Variants in SHOC2 observed in about 807,000 individuals in gnomAD.
SHOC2 encodes SHOC2 leucine rich repeat scaffold protein, also known as leucine-rich repeat protein SHOC-2.
A neutral mutation model predicts 50.2 loss-of-function variants in SHOC2; 4 were observed. The ratio of observed to expected loss-of-function variants is 0.08; its 90% CI spans 0.04 to 0.18. The LOEUF (loss-of-function observed/expected upper bound fraction) is 0.18, where lower values mean the gene tolerates loss of function less well. Ranked by LOEUF, SHOC2 falls within the 10% of genes least tolerant of loss-of-function variation. The probability of loss-of-function intolerance (pLI) is 1.00; values close to 1 mark genes in which losing one functional copy is unlikely to be tolerated. For missense variants in SHOC2, 388 were observed against 669.6 expected, an observed-to-expected ratio of 0.58 and a Z score of 4.64; for synonymous variants, 218 against 244.5, an observed-to-expected ratio of 0.89 and a Z score of 1.01.
Position 110,965,425 on chromosome 10 carries a change from A to G in SHOC2, c.703+364A>G, listed in dbSNP as rs192868415. On this transcript the variant is annotated intron_variant, in intron 2 of 8. Transcript: ENST00000369452. ...CAATTTTATTAGATATATGAAAACT[A>G]CATTTTCTCATTCTCTGACTTTTCC... 2.0e-5 allele frequency among the ~76,000 whole-genome samples: 3 copies of G among 152,292 alleles called. No homozygotes were observed. In the East Asian group the frequency reaches 5.8e-4, roughly 29 times the overall value.
chr10:110,993,468 C>G (rs1848218508), intron 3 of SHOC2, among the ~76,000 whole-genome samples: 1 of 152,114 alleles, frequency 6.6e-6, no homozygotes, highest in Non-Finnish European at 1.5e-5. Context: ...TGCCAGTGGT[C>G]TCAAGTGATA....
chr10:110,975,158 C>CT (rs200869891), intron 2 of SHOC2, among the ~76,000 whole-genome samples: 151 of 143,082 alleles, frequency 1.1e-3, no homozygotes, highest in East Asian at 1.6e-3. Flanking sequence ...TCCCATGTTA[C>CT]TTTTTTTTTT....
chr10:111,008,234 A>G (rs555536078), intron 6 of SHOC2, among the ~76,000 whole-genome samples: 42 of 149,984 alleles, frequency 2.8e-4, no homozygotes, highest in Middle Eastern at 3.4e-3. Context: ...TCTTCAGTTA[A>G]GGATGATTTC....
chr10:110,980,158 CTTTT>C (rs745350568), intron 2 of SHOC2, among the ~76,000 whole-genome samples: 1 of 135,938 alleles, frequency 7.4e-6, no homozygotes. Context: ...ATTCCTGTCA[CTTTT>C]TTTTTTTTTT....
chr10:110,942,566 C>G (rs1847168495), intron 1 of SHOC2, among the ~76,000 whole-genome samples: 1 of 152,102 alleles, frequency 6.6e-6, no homozygotes, highest in African/African-American at 2.4e-5. Flanking sequence ...AAAATGTCTG[C>G]CAAATACTAG....
Position 111,004,894 on chromosome 10 carries a change from C to T in SHOC2, c.1161+100C>T, listed in dbSNP as rs2134174221. The T allele has an allele frequency of 6.2e-6, 5 of 804,296 alleles. No individual in the cohort carries two copies. In the South Asian group the frequency reaches 7.2e-5, roughly 12 times the overall value. The allele number at this position is 804,296 out of a possible 1,614,324, so 49.8% of individuals were successfully genotyped here. On this transcript the variant is annotated intron_variant, in intron 5 of 8. Coordinates refer to ENST00000369452, the MANE Select transcript of SHOC2 (RefSeq NM_007373.4). The stretch of plus-strand genomic sequence containing the variant: ...ATTGTGTGGGGAGTGGGTACTTGTA[C>T]CTTGCTGATGGGTCTAAACTGATCA...
intron 2 of SHOC2, among the ~76,000 whole-genome samples, chr10:110,979,356 CA>C (rs1035674330): frequency 6.6e-6 from 1 of 152,204 alleles, no homozygotes; most frequent in African/African-American, 2.4e-5. Flanking sequence ...AACTGAATCA[CA>C]AATGTGACAT....
intron 3 of SHOC2, among the ~76,000 whole-genome samples, chr10:110,991,452 A>C (rs1171632362): frequency 2.0e-5 from 3 of 152,200 alleles, no homozygotes; most frequent in African/African-American, 7.2e-5. Context: ...TGAGAACTGA[A>C]ACATTAACAA....
chr10:110,987,186 T>C (rs751307182), intron 3 of SHOC2, among the ~76,000 whole-genome samples: 1 of 152,010 alleles, frequency 6.6e-6, no homozygotes. Context: ...GTTCCCAGCT[T>C]GTTTCTGTTC....
At position 110,964,677 on chromosome 10, in the gene SHOC2, T is replaced by C. The variant is rs1847639079; in HGVS notation, c.319T>C (p.Leu107=). The C allele has an allele frequency of 6.2e-7, 1 of 1,614,006 alleles. No homozygotes were observed. The highest frequency in any genetic ancestry group is 1.3e-5 in the African/African-American group (1 of 74,906). Residue 107 remains leucine (L), a synonymous_variant, in exon 2 of 9, where the codon TTA becomes CTA. Transcript: ENST00000369452. This position sits in a 1 kb window ranked among gnomAD's most constrained non-coding sequence, Gnocchi z 4.9. ...CREENSMRLD[L]SKRSIHILPS... ...GGAAGAGAATTCAATGCGTTTGGAC[T>C]TATCCAAGAGATCTATACACATATT... is the stretch of plus-strand genomic sequence containing the variant.
At chr10:110,953,282 C>G (rs573061532) in intron 1 of SHOC2, among the ~76,000 whole-genome samples, 1 of 152,276 alleles carries the variant, frequency 6.6e-6, no homozygotes, top group Admixed American at 6.5e-5. Flanking sequence ...GATGGTGTCT[C>G]ATTGTAGTTT....
chr10:110,925,433 C>T (rs1480542789), intron 1 of SHOC2, among the ~76,000 whole-genome samples: 3 of 151,900 alleles, frequency 2.0e-5, no homozygotes, highest in Admixed American at 6.6e-5. Context: ...CTCTTTTTCA[C>T]GCTTTTTTTT....
rs767663771 is a variant in SHOC2 at position 110,966,113 on chromosome 10, G to A, written c.703+1052G>A. On this transcript the variant is annotated intron_variant, in intron 2 of 8. Transcript: ENST00000369452. ...TTTTCAAAGATATGATATTCTGTGGGTGTTTTAATATTTTGTTTAGCTTTG... is the reference window on the plus strand; with the variant it reads ...TTTTCAAAGATATGATATTCTGTGGATGTTTTAATATTTTGTTTAGCTTTG... Among the ~76,000 whole-genome samples the A allele has an allele frequency of 4.1e-4, 63 of 151,958 alleles. 2 individuals carry two copies. The highest frequency in any genetic ancestry group is 2.9e-3 in the Admixed American group (45 of 15,258).
intron 1 of SHOC2, among the ~76,000 whole-genome samples, chr10:110,934,763 AC>A: frequency 6.6e-6 from 1 of 152,100 alleles, no homozygotes; most frequent in Admixed American, 6.6e-5. Flanking sequence ...GAGTAAATGC[AC>A]CCTAGGCATG....
intron 1 of SHOC2, among the ~76,000 whole-genome samples, chr10:110,939,642 TG>T (rs1288562587): frequency 6.6e-6 from 1 of 152,238 alleles, no homozygotes; most frequent in Non-Finnish European, 1.5e-5. Context: ...TTATAACGTA[TG>T]TCAACTTTAA....
chr10:110,938,138 C>T (rs1564704788), intron 1 of SHOC2, among the ~76,000 whole-genome samples: 1 of 152,032 alleles, frequency 6.6e-6, no homozygotes, highest in Non-Finnish European at 1.5e-5. Context: ...CTTAATTGGT[C>T]CTATATGTTA....
chr10:111,009,757 C>T lies in SHOC2; in HGVS notation c.1467C>T (p.Gly489=). The T allele has an allele frequency of 6.2e-7, 1 of 1,613,066 alleles. No individual in the cohort carries two copies. The highest frequency in any genetic ancestry group is 1.1e-5 in the South Asian group (1 of 91,054). The change falls in exon 8 of 9, where the codon GGC becomes GGT. Residue 489 remains glycine, a synonymous_variant. Coordinates refer to ENST00000369452, the MANE Select transcript of SHOC2 (RefSeq NM_007373.4). ...TNNQLTTLPR[G]IGHLTNLTHL... is the part of the protein sequence containing the mutation. ...ACCAGTTGACCACTCTTCCCAGAGG[C>T]ATTGGTCACCTTACTAATCTCACAC...
intron 1 of SHOC2, among the ~76,000 whole-genome samples, chr10:110,927,547 A>C (rs1846801849): frequency 6.6e-6 from 1 of 152,230 alleles, no homozygotes; most frequent in Admixed American, 6.5e-5. Context: ...GAAATTCTTA[A>C]TACTAGAAAA....
At chr10:110,974,922 T>C (rs900726530) in intron 2 of SHOC2, among the ~76,000 whole-genome samples, 5 of 152,168 alleles carry the variant, frequency 3.3e-5, no homozygotes, top group Non-Finnish European at 7.3e-5. Context: ...TTTTTCAAAA[T>C]TTTTTATTTT....
Sources: gnomAD v4.1 joint callset for allele counts (sites outside exome capture counted in the v4.1 genomes callset) on GRCh38, gnomAD v4.1.1 for gene constraint, Gnocchi (gnomAD v3.1) non-coding constraint, MANE v1.5 for transcripts, NCBI Gene and HGNC (gene_info 2026-07-23, HGNC 2026-07-21) for gene names.